RPL13A: variants seen among roughly 807,000 people sequenced by gnomAD.
The protein encoded by RPL13A is large ribosomal subunit protein uL13.
A neutral mutation model predicts 30.8 loss-of-function variants in RPL13A; 4 were observed. The observed-to-expected ratio is 0.13, with a 90% CI of 0.06 to 0.30. The LOEUF (loss-of-function observed/expected upper bound fraction) is 0.30, where lower values mean the gene tolerates loss of function less well. Ranked by LOEUF, RPL13A falls within the 10% of genes least tolerant of loss-of-function variation. RPL13A has a pLI of 1.00. For missense variants in RPL13A, 196 were observed against 272.6 expected, an observed-to-expected ratio of 0.72 and a Z score of 1.98; for synonymous variants, 108 against 104.2, an observed-to-expected ratio of 1.04 and a Z score of -0.22.
At chr19:49,491,292 A>G (rs1568688515) in intron 6 of RPL13A, 133 bp from the exon 7 acceptor site, 2 of 1,144,100 alleles carry the variant, frequency 1.7e-6, no homozygotes, top group Admixed American at 3.4e-5. Context: ...ACAGGCCTGC[A>G]GAGAACAGTT....
chr19:49,488,474 C>T (rs774099509), intron 1 of RPL13A, among the ~76,000 whole-genome samples: 5 of 152,190 alleles, frequency 3.3e-5, no homozygotes, highest in African/African-American at 7.2e-5. Flanking sequence ...TGTCTTTGTG[C>T]CTAGCACAGT....
intron 5 of RPL13A, 32 bp downstream of exon 5, chr19:49,490,896 C>A (rs2079860283): frequency 6.2e-7 from 1 of 1,611,106 alleles, no homozygotes; most frequent in Non-Finnish European, 8.5e-7. Flanking sequence ...AGGCAGCGGC[C>A]TTACCTGTGG....
Position 49,492,023 on chromosome 19 carries a change from T to C in RPL13A, c.*208T>C, listed in dbSNP as rs777442223. 3 of 547,356 alleles carry C rather than the reference T, an allele frequency of 5.5e-6. No homozygotes were observed. Among genetic ancestry groups the C allele is most frequent in the South Asian group, 4.2e-5 (2 of 47,304 alleles). The allele number at this position is 547,356 out of a possible 1,614,324, so 33.9% of individuals were successfully genotyped here. A position where few individuals can be genotyped will look rare whatever the true frequency, so the allele number is the denominator to read the frequency against. ...GAATTGTGCAGGTGTCATTTATCTA[T>C]GACCAATAGGAAGAGCAACCAGTTA... On this transcript the variant is annotated 3_prime_UTR_variant, in exon 8 of 8. Coordinates refer to ENST00000391857, the MANE Select transcript of RPL13A (RefSeq NM_012423.4).
At chr19:49,491,616 CAG>C (rs1232081803) in intron 7 of RPL13A, 69 bp downstream of exon 7, 1 of 1,559,116 alleles carries the variant, frequency 6.4e-7, no homozygotes, top group South Asian at 1.2e-5. Context: ...GCCTTGCTCA[CAG>C]AGTACTCTTA....
intron 1 of RPL13A, 94 bp downstream of exon 1, chr19:49,487,738 G>A (rs971118251): frequency 8.5e-6 from 11 of 1,294,742 alleles, no homozygotes; most frequent in Non-Finnish European, 1.0e-5. Context: ...GTTTTGCGGA[G>A]CTTAACATCC....
At position 49,490,482 on chromosome 19, in the gene RPL13A, C is replaced by T. The variant is rs11539123; in HGVS notation, c.162C>T (p.Tyr54=). Residue 54 remains tyrosine (Y), a synonymous_variant, in exon 4 of 8, where the codon TAC becomes TAT. Transcript: ENST00000391857. ...SGNFYRNKLK[Y]LAFLRKRMNT... is the part of the protein sequence containing the mutation. ...ACTCTCCCCTCTCCCTAGTGAAGTACCTGGCTTTCCTCCGCAAGCGGATGA... is the reference window on the plus strand; with the variant it reads ...ACTCTCCCCTCTCCCTAGTGAAGTATCTGGCTTTCCTCCGCAAGCGGATGA... The T allele has an allele frequency of 1.8e-3, 2,872 of 1,614,168 alleles. 8 individuals carry two copies. The highest frequency in any genetic ancestry group is 2.1e-3 in the Non-Finnish European group (2,465 of 1,180,032).
chr19:49,489,776 A>G (rs2079845777), intron 1 of RPL13A, 74 bp from the exon 2 acceptor site: 2 of 1,223,748 alleles, frequency 1.6e-6, no homozygotes, highest in Admixed American at 3.4e-5. Flanking sequence ...AGGACAAAAG[A>G]AGGGAATGCT....
At chr19:49,489,206 C>T (rs1568686482) in intron 1 of RPL13A, among the ~76,000 whole-genome samples, 2 of 152,140 alleles carry the variant, frequency 1.3e-5, no homozygotes, top group Non-Finnish European at 2.9e-5. Flanking sequence ...TGTTAACATC[C>T]TACAATTGAT....
rs1390696039 is a variant in RPL13A, at chr19:49,491,726, C to T, written c.526-3C>T. On this transcript the variant is annotated splice_polypyrimidine_tract_variant and splice_region_variant and intron_variant, in intron 7 of 7. Coordinates refer to ENST00000391857, the MANE Select transcript of RPL13A (RefSeq NM_012423.4). ...CACCACCACCTGCACTTATTCTTGG[C>T]AGAGGCTACGGAAACAGGCCGAGAA... 6.2e-7 allele frequency: 1 copy of T among 1,613,100 alleles called. No individual in the cohort carries two copies. Among genetic ancestry groups the T allele is most frequent in the South Asian group, 1.1e-5 (1 of 90,806 alleles).
intron 2 of RPL13A, 97 bp downstream of exon 2, chr19:49,490,019 GATC>G: frequency 9.0e-7 from 1 of 1,115,714 alleles, no homozygotes; most frequent in Non-Finnish European, 1.4e-6. Flanking sequence ...ACGGCCATGA[GATC>G]AACCCCATGC....
intron 6 of RPL13A, 89 bp downstream of exon 6, chr19:49,491,188 C>G: frequency 2.8e-6 from 4 of 1,447,338 alleles, no homozygotes; most frequent in Non-Finnish European, 3.9e-6. Context: ...AGATGATGTC[C>G]TTATCTCACG....
intron 1 of RPL13A, among the ~76,000 whole-genome samples, chr19:49,488,745 A>G (rs570100027): frequency 1.3e-5 from 2 of 152,296 alleles, no homozygotes; most frequent in South Asian, 2.1e-4. Flanking sequence ...TCGCTGTGAC[A>G]CCCAGGCTGG....
Position 49,490,272 on chromosome 19 carries a change from T to C in RPL13A, c.129T>C (p.Ile43=). The change falls in exon 3 of 8, where the codon ATT becomes ATC. Residue 43 remains isoleucine (I), a synonymous_variant. Coordinates refer to ENST00000391857, the MANE Select transcript of RPL13A (RefSeq NM_012423.4). ...VVVVRCEGIN[I]SGNFYRNKLK... ...TCGTACGCTGTGAAGGCATCAACAT[T>C]TCTGGCAATTTCTACAGAAACAAGT... 2 of 1,614,154 alleles carry C rather than the reference T, an allele frequency of 1.2e-6. No individual in the cohort carries two copies. The highest frequency in any genetic ancestry group is 1.7e-6 in the Non-Finnish European group (2 of 1,180,020).
Position 49,491,871 on chromosome 19 carries a change from C to A in RPL13A, c.*56C>A. On this transcript the variant is annotated 3_prime_UTR_variant, in exon 8 of 8. Transcript: ENST00000391857. ...TTGCCTGCCCTTCCTCCATTGTTGC[C>A]CTGGAATGTACGGGACCCAGGGGCA... The A allele has an allele frequency of 7.0e-7, 1 of 1,418,928 alleles. No homozygotes were observed. Among genetic ancestry groups the A allele is most frequent in the Non-Finnish European group, 9.7e-7 (1 of 1,028,002 alleles). The allele number at this position is 1,418,928 out of a possible 1,614,324, so 87.9% of individuals were successfully genotyped here.
rs539584976 is a variant in RPL13A at position 49,488,355 on chromosome 19, A to G, written c.15+711A>G. Among the ~76,000 whole-genome samples, 15 of 152,270 alleles carry G rather than the reference A, an allele frequency of 9.9e-5. No individual in the cohort carries two copies. The South Asian group carries it at 3.1e-3, about 32-fold the overall frequency. On this transcript the variant is annotated intron_variant, in intron 1 of 7. Transcript: ENST00000391857. ...TGGCTCCTGGTGTAGCTACTTAAGT[A>G]TAAAGGAGGGATTGGCCCTGGAAAG...
intron 2 of RPL13A, 93 bp from the exon 3 acceptor site, chr19:49,490,139 G>T: frequency 7.8e-7 from 1 of 1,274,296 alleles, no homozygotes; most frequent in South Asian, 1.2e-5. Context: ...ACTTAGCTCT[G>T]GCAAGTACTG....
rs2079852166 is a variant in RPL13A at position 49,490,257 on chromosome 19, T to C, written c.114T>C (p.Cys38=). The stretch of plus-strand genomic sequence containing the variant: ...GCCGGAAGGTGGTGGTCGTACGCTG[T>C]GAAGGCATCAACATTTCTGGCAATT... ...LLGRKVVVVR[C]EGINISGNFY... The change falls in exon 3 of 8, where the codon TGT becomes TGC. Residue 38 remains cysteine, a synonymous_variant. Coordinates refer to ENST00000391857, the MANE Select transcript of RPL13A (RefSeq NM_012423.4). The C allele has an allele frequency of 6.2e-7, 1 of 1,614,090 alleles. No individual in the cohort carries two copies. The highest frequency in any genetic ancestry group is 8.5e-7 in the Non-Finnish European group (1 of 1,180,046).
In RPL13A at chr19:49,491,608, C is replaced by G. The variant is rs572383759; in HGVS notation, c.525+61C>G. 2.6e-6 allele frequency: 4 copies of G among 1,557,402 alleles called. No individual in the cohort carries two copies. The African/African-American group carries it at 5.4e-5, about 21-fold the overall frequency. On this transcript the variant is annotated intron_variant, in intron 7 of 7. Coordinates refer to ENST00000391857, the MANE Select transcript of RPL13A (RefSeq NM_012423.4). ...ACTCCTGGACAGGCCTGGCAGGTGC[C>G]TTGCTCACAGAGTACTCTTAACTGG...
Position 49,490,776 on chromosome 19 carries a change from C to A in RPL13A, c.257-3C>A, listed in dbSNP as rs112644132. The A allele has an allele frequency of 6.2e-7, 1 of 1,614,186 alleles. No individual in the cohort carries two copies. The highest frequency in any genetic ancestry group is 1.7e-5 in the Admixed American group (1 of 60,038). On this transcript the variant is annotated splice_polypyrimidine_tract_variant and splice_region_variant and intron_variant, in intron 4 of 7. Transcript: ENST00000391857. ...ACTGGGCCTGCTATCTGTCACCCAA[C>A]AGGTATGCTGCCCCACAAAACCAAG...
Sources: allele counts gnomAD v4.1 joint callset (sites outside exome capture counted in the v4.1 genomes callset), GRCh38; gene constraint gnomAD v4.1.1; transcripts MANE v1.5; gene names NCBI Gene and HGNC (gene_info 2026-07-23, HGNC 2026-07-21).